The following SGMS1 variants were observed in gnomAD, a reference collection of about 807,000 sequenced individuals.
The protein encoded by SGMS1 is phosphatidylcholine:ceramide cholinephosphotransferase 1.
In SGMS1, 13 loss-of-function variants were observed where a neutral mutation model predicts 46.2. The observed-to-expected ratio is 0.28, with a 90% CI of 0.18 to 0.45. The LOEUF is 0.45. SGMS1 is among the 20% of genes least tolerant of loss of function. SGMS1 has a pLI of 1.00. For missense variants in SGMS1, 324 were observed against 519.9 expected, an observed-to-expected ratio of 0.62 and a Z score of 3.66; for synonymous variants, 203 against 187.8, an observed-to-expected ratio of 1.08 and a Z score of -0.66.
At chr10:50,329,160 T>G (rs1400145944) in intron 7 of SGMS1, among the ~76,000 whole-genome samples, 1 of 152,080 alleles carries the variant, frequency 6.6e-6, no homozygotes, top group African/African-American at 2.4e-5. Flanking sequence ...GTACACATAC[T>G]CACACACACA....
chr10:50,468,837 T>G (rs1348077968), intron 3 of SGMS1, among the ~76,000 whole-genome samples: 1 of 152,230 alleles, frequency 6.6e-6, no homozygotes, highest in Non-Finnish European at 1.5e-5. Flanking sequence ...ATGTAATATA[T>G]CAAAGACATG....
intron 2 of SGMS1, among the ~76,000 whole-genome samples, chr10:50,544,632 G>A (rs1838084431): frequency 6.6e-6 from 1 of 152,178 alleles, no homozygotes; most frequent in Admixed American, 6.5e-5. Flanking sequence ...TAAAACTGAA[G>A]TAGGTTCTTT....
chr10:50,403,844 A>G (rs1368060262), intron 6 of SGMS1, among the ~76,000 whole-genome samples: 2 of 151,140 alleles, frequency 1.3e-5, no homozygotes, highest in African/African-American at 4.9e-5. Context: ...TTAGCCCCAA[A>G]CTACAACTAC....
chr10:50,310,744 T>C (rs1029884563), intron 9 of SGMS1, among the ~76,000 whole-genome samples: 2 of 152,252 alleles, frequency 1.3e-5, no homozygotes, highest in Admixed American at 1.3e-4. Flanking sequence ...TAAAATATTT[T>C]AAGTACGTTT....
At chr10:50,376,935 G>T (rs1030010637) in intron 6 of SGMS1, among the ~76,000 whole-genome samples, 2 of 152,018 alleles carry the variant, frequency 1.3e-5, no homozygotes, top group African/African-American at 4.8e-5. Context: ...CATGAAAAAA[G>T]GTTACTCATA....
chr10:50,589,056 G>A (rs1564439024), intron 2 of SGMS1, among the ~76,000 whole-genome samples: 1 of 152,060 alleles, frequency 6.6e-6, no homozygotes, highest in Non-Finnish European at 1.5e-5. Context: ...ATCTTGATCA[G>A]GGAGAAGGTG....
chr10:50,476,771 A>G (rs1009644330), intron 3 of SGMS1, among the ~76,000 whole-genome samples: 2 of 152,226 alleles, frequency 1.3e-5, no homozygotes, highest in Non-Finnish European at 2.9e-5. Context: ...GTCTCAGGCC[A>G]CTGCTCCAGA....
Position 50,586,822 on chromosome 10 carries a change from T to C in SGMS1, c.-589+3331A>G, listed in dbSNP as rs182686506. ...CCTGGTACTATTTCCACTATAACCATGATGAGGAGAAAACCTTGTTTAATT... is the reference window on the plus strand; with the variant it reads ...CCTGGTACTATTTCCACTATAACCACGATGAGGAGAAAACCTTGTTTAATT... On this transcript the variant is annotated intron_variant, in intron 2 of 10. Coordinates refer to ENST00000361781, the MANE Select transcript of SGMS1 (RefSeq NM_147156.4). Among the ~76,000 whole-genome samples, 26 of 152,338 alleles carry C rather than the reference T, an allele frequency of 1.7e-4. 1 individual carries two copies. In the East Asian group the frequency reaches 2.7e-3, roughly 16 times the overall value.
intron 2 of SGMS1, among the ~76,000 whole-genome samples, chr10:50,530,803 T>A (rs1588866630): frequency 6.6e-6 from 1 of 152,326 alleles, no homozygotes; most frequent in South Asian, 2.1e-4. Flanking sequence ...ATAGTTTATA[T>A]AATACATGCA....
chr10:50,509,138 A>G (rs556863297), intron 3 of SGMS1, among the ~76,000 whole-genome samples: 1 of 152,346 alleles, frequency 6.6e-6, no homozygotes, highest in East Asian at 1.9e-4. Context: ...AATCTTATAC[A>G]TATTGTTGAG....
intron 2 of SGMS1, among the ~76,000 whole-genome samples, chr10:50,571,373 A>G (rs1391673948): frequency 6.6e-6 from 1 of 152,388 alleles, no homozygotes; most frequent in Middle Eastern, 3.4e-3. Flanking sequence ...ATGGTCATTA[A>G]GAAAAGACAA....
intron 6 of SGMS1, among the ~76,000 whole-genome samples, chr10:50,401,409 A>G (rs567465714): frequency 2.0e-4 from 31 of 152,342 alleles, no homozygotes; most frequent in African/African-American, 7.2e-4. Flanking sequence ...GCAAATTAAG[A>G]ATACTGAGGC....
At position 50,619,548 on chromosome 10, in the gene SGMS1, T is replaced by C. The variant is rs147461344; in HGVS notation, c.-684+4159A>G. On this transcript the variant is annotated intron_variant, in intron 1 of 10. Transcript: ENST00000361781. ...TGGGGGAGAGGGGCCTGGGGGGTGC[T>C]GGGAGGGGAATGAAGGAGAAAAACG... Among the ~76,000 whole-genome samples the C allele has an allele frequency of 5.9e-3, 902 of 152,180 alleles. 7 individuals carry two copies. The highest frequency in any genetic ancestry group is 0.021 in the African/African-American group (854 of 41,524).
intron 3 of SGMS1, among the ~76,000 whole-genome samples, chr10:50,512,291 C>T (rs1417288358): frequency 6.6e-6 from 1 of 151,930 alleles, no homozygotes; most frequent in African/African-American, 2.4e-5. Flanking sequence ...AAGCTAGCAC[C>T]TGTCAGAGAA....
intron 6 of SGMS1, among the ~76,000 whole-genome samples, chr10:50,365,255 C>CGAAAAA: frequency 2.2e-5 from 1 of 45,028 alleles, no homozygotes; most frequent in South Asian, 1.4e-3. Flanking sequence ...TCCATCTCAC[C>CGAAAAA]AAAAAAAAAA....
chr10:50,357,665 C>T (rs1004943816), intron 6 of SGMS1, among the ~76,000 whole-genome samples: 33 of 152,098 alleles, frequency 2.2e-4, no homozygotes, highest in Non-Finnish European at 2.1e-4. Flanking sequence ...TTGCATGTAC[C>T]TGACAGTGCT....
chr10:50,589,453 T>A (rs1258079240), intron 2 of SGMS1, among the ~76,000 whole-genome samples: 2 of 151,764 alleles, frequency 1.3e-5, no homozygotes, highest in Non-Finnish European at 2.9e-5. Context: ...GTAGACAAGG[T>A]CTTGCTATTA....
chr10:50,532,347 C>T (rs1179904469), intron 2 of SGMS1, among the ~76,000 whole-genome samples: 2 of 151,864 alleles, frequency 1.3e-5, no homozygotes, highest in Non-Finnish European at 2.9e-5. Context: ...TAAGCTCTCT[C>T]ATCCAAGACC....
intron 3 of SGMS1, among the ~76,000 whole-genome samples, chr10:50,487,212 C>A (rs947054478): frequency 6.6e-6 from 1 of 152,100 alleles, no homozygotes; most frequent in Non-Finnish European, 1.5e-5. Flanking sequence ...AAGCCATTAT[C>A]CTCAGCAAAC....
Sources: allele counts gnomAD v4.1 joint callset (sites outside exome capture counted in the v4.1 genomes callset), GRCh38; gene constraint gnomAD v4.1.1; transcripts MANE v1.5; gene names NCBI Gene and HGNC (gene_info 2026-07-23, HGNC 2026-07-21).